The following SHROOM4 variants were observed in gnomAD, a reference collection of about 807,000 sequenced individuals.
SHROOM4 encodes the protein protein Shroom4.
In SHROOM4, 17 loss-of-function variants were observed where a neutral mutation model predicts 80.3. That is an observed-to-expected ratio of 0.21 (90% CI 0.14 to 0.32). The LOEUF is 0.32. Among genes scored for constraint, SHROOM4 ranks in the 10% least tolerant of loss-of-function variants. The pLI is 1.00. For synonymous variants in SHROOM4, 400 were observed against 437.5 expected, an observed-to-expected ratio of 0.91 and a Z score of 1.07; for missense variants, 993 against 1,140.3, an observed-to-expected ratio of 0.87 and a Z score of 1.86.
intron 1 of SHROOM4, among the ~76,000 whole-genome samples, chrX:50,783,775 C>A (rs1557270831): frequency 9.0e-6 from 1 of 111,100 alleles, no homozygotes; most frequent in African/African-American, 3.3e-5. Context: ...GGGGTTTTGC[C>A]ATGTTGGCCA....
intron 1 of SHROOM4, among the ~76,000 whole-genome samples, chrX:50,793,887 T>C (rs1557271778): frequency 9.1e-6 from 1 of 109,698 alleles, no homozygotes; most frequent in East Asian, 2.9e-4. Context: ...ATAACCATTA[T>C]ACAAGAAAGT....
chrX:50,751,242 T>C lies in SHROOM4; in HGVS notation c.118-55305A>G, dbSNP rs1557268023. Among the ~76,000 whole-genome samples the C allele has an allele frequency of 8.1e-5, 9 of 111,571 alleles. No homozygotes were observed. The Admixed American group carries it at 8.6e-4, about 11-fold the overall frequency. ...AACCCATGTGATACTACCACTTTGG[T>C]CAACTGTGAAATTATTGCTCCTAGG... is the stretch of plus-strand genomic sequence containing the variant. On this transcript the variant is annotated intron_variant, in intron 1 of 8. Transcript: ENST00000376020.
At chrX:50,732,623 A>G (rs1934398211) in intron 1 of SHROOM4, among the ~76,000 whole-genome samples, 1 of 112,205 alleles carries the variant, frequency 8.9e-6, no homozygotes, top group African/African-American at 3.2e-5. Flanking sequence ...AGAACTAAAA[A>G]GCTTATAAAG....
chrX:50,688,196 T>C (rs1157039576), intron 2 of SHROOM4, among the ~76,000 whole-genome samples: 1 of 111,295 alleles, frequency 9.0e-6, no homozygotes, highest in East Asian at 2.8e-4. Flanking sequence ...ATTTCACATA[T>C]CATGAAATAC....
At chrX:50,723,804 G>A (rs782337447) in intron 1 of SHROOM4, among the ~76,000 whole-genome samples, 4 of 111,151 alleles carry the variant, frequency 3.6e-5, no homozygotes, top group African/African-American at 1.3e-4. Context: ...GGGTATTGAC[G>A]GCCAGGCTTC....
chrX:50,603,902 C>G (rs143252288), intron 6 of SHROOM4, among the ~76,000 whole-genome samples: 3 of 111,443 alleles, frequency 2.7e-5, no homozygotes, highest in Admixed American at 9.5e-5. Context: ...GGGGGTGGCC[C>G]GCCCTCACTA....
chrX:50,630,860 T>C (rs1241606903), intron 4 of SHROOM4, among the ~76,000 whole-genome samples: 1 of 111,805 alleles, frequency 8.9e-6, no homozygotes, highest in East Asian at 2.8e-4. Context: ...ATAGATGACC[T>C]AAATGTCCCC....
At chrX:50,602,134 C>A (rs1929448499) in intron 7 of SHROOM4, among the ~76,000 whole-genome samples, 1 of 108,102 alleles carries the variant, frequency 9.3e-6, no homozygotes, top group African/African-American at 3.4e-5. Context: ...CTTGGTTGCC[C>A]AGGCTGGAGT....
chrX:50,784,751 A>G (rs184098010), intron 1 of SHROOM4, among the ~76,000 whole-genome samples: 256 of 112,263 alleles, frequency 2.3e-3, no homozygotes, highest in African/African-American at 7.7e-3. Flanking sequence ...ATAAAAGAAA[A>G]AATCATTAAA....
chrX:50,747,667 TC>T (rs1557267722), intron 1 of SHROOM4, among the ~76,000 whole-genome samples: 1 of 112,421 alleles, frequency 8.9e-6, no homozygotes, highest in Non-Finnish European at 1.9e-5. Context: ...GTGCTGCATC[TC>T]ATGCAGGTTT....
At chrX:50,788,936 A>G (rs964276937) in intron 1 of SHROOM4, among the ~76,000 whole-genome samples, 2 of 112,248 alleles carry the variant, frequency 1.8e-5, no homozygotes, top group Non-Finnish European at 3.8e-5. Context: ...ATGTGCAATG[A>G]AAAAAGGCCA....
At chrX:50,701,291 T>A (rs1602445367) in intron 1 of SHROOM4, among the ~76,000 whole-genome samples, 1 of 111,292 alleles carries the variant, frequency 9.0e-6, no homozygotes, top group Non-Finnish European at 1.9e-5. Context: ...CACTGTCCCC[T>A]ATGTCAGCAA....
At chrX:50,640,082 C>T (rs896458783) in intron 2 of SHROOM4, among the ~76,000 whole-genome samples, 2 of 111,523 alleles carry the variant, frequency 1.8e-5, no homozygotes, top group South Asian at 3.8e-4. Context: ...GCCACACTGC[C>T]GGGAAATCTC....
chrX:50,779,796 T>A (rs192799212), intron 1 of SHROOM4, among the ~76,000 whole-genome samples: 24 of 112,151 alleles, frequency 2.1e-4, no homozygotes, highest in African/African-American at 7.1e-4. Context: ...ACACTGCTGT[T>A]AAGAGAAGTC....
At chrX:50,813,879 G>A in intron 1 of SHROOM4, 23 bp downstream of exon 1, 1 of 1,115,788 alleles carries the variant, frequency 9.0e-7, no homozygotes, top group South Asian at 1.8e-5. Context: ...GGCGCCGTTA[G>A]GACATCAGCC....
chrX:50,695,212 A>G (rs1481541899), intron 2 of SHROOM4, among the ~76,000 whole-genome samples: 5 of 112,074 alleles, frequency 4.5e-5, no homozygotes, highest in Non-Finnish European at 9.4e-5. Context: ...TACCCTATCA[A>G]TACCTTCTGC....
chrX:50,768,705 T>A (rs782602071), intron 1 of SHROOM4, among the ~76,000 whole-genome samples: 4 of 112,400 alleles, frequency 3.6e-5, no homozygotes, highest in African/African-American at 9.7e-5. Flanking sequence ...GTGTATACAT[T>A]ATTAATTCAA....
At chrX:50,584,907 A>G (rs1415460152), downstream of SHROOM4, among the ~76,000 whole-genome samples, 1 of 111,539 alleles carries the variant, frequency 9.0e-6, no homozygotes, top group East Asian at 2.8e-4. Flanking sequence ...AACTGGAGAT[A>G]TAAATTTGGG....
At chrX:50,675,266 C>T (rs1364580041) in intron 2 of SHROOM4, among the ~76,000 whole-genome samples, 1 of 111,007 alleles carries the variant, frequency 9.0e-6, no homozygotes, top group African/African-American at 3.3e-5. Context: ...TATAACAAAC[C>T]CCCATGACAC....
Sources: allele counts gnomAD v4.1 joint callset (sites outside exome capture counted in the v4.1 genomes callset), GRCh38; gene constraint gnomAD v4.1.1; transcripts MANE v1.5; gene names NCBI Gene and HGNC (gene_info 2026-07-23, HGNC 2026-07-21).